Variants in PLCG2 observed in about 807,000 individuals in gnomAD.
PLCG2 encodes the protein phospholipase C gamma 2, also known as 1-phosphatidylinositol 4,5-bisphosphate phosphodiesterase gamma-2.
Under a neutral mutation model 175.6 loss-of-function variants are expected in PLCG2, and 69 were observed. The ratio of observed to expected loss-of-function variants is 0.39; its 90% CI spans 0.32 to 0.48. The LOEUF is 0.48. Ranked by LOEUF, PLCG2 falls within the 20% of genes least tolerant of loss-of-function variation. PLCG2 has a pLI of 0.91. For synonymous variants in PLCG2, 827 were observed against 624.0 expected, an observed-to-expected ratio of 1.33 and a Z score of -4.85; for missense variants, 1,798 against 1,650.9, an observed-to-expected ratio of 1.09 and a Z score of -1.54.
chr16:81,752,635 C>G (rs1477718757), intron 1 of PLCG2, among the ~76,000 whole-genome samples: 2 of 152,216 alleles, frequency 1.3e-5, no homozygotes, highest in African/African-American at 4.8e-5. Context: ...CTCCCCCTCC[C>G]CAGCCAGAAC....
At chr16:81,853,475 C>A (rs1348443081) in intron 2 of PLCG2, among the ~76,000 whole-genome samples, 1 of 152,092 alleles carries the variant, frequency 6.6e-6, no homozygotes, top group East Asian at 1.9e-4. Flanking sequence ...ATGGTGGGGG[C>A]AGTGGGGGGA....
intron 28 of PLCG2, 99 bp downstream of exon 28, chr16:81,938,002 C>G (rs1358148452): frequency 8.8e-7 from 1 of 1,140,412 alleles, no homozygotes; most frequent in African/African-American, 1.5e-5. Context: ...TCTAGGGAGG[C>G]TGGTTGTCTT....
At chr16:81,931,241 C>T (rs1010404399) in intron 24 of PLCG2, 23 of 325,220 alleles carry the variant, frequency 7.1e-5, no homozygotes, top group Non-Finnish European at 1.2e-4. Flanking sequence ...CTGCAACGAC[C>T]CTATAAGGTC....
intron 1 of PLCG2, chr16:81,740,331 C>G (rs140217952): frequency 4.9e-3 from 751 of 152,276 alleles, no homozygotes; most frequent in Non-Finnish European, 8.2e-3. Flanking sequence ...GTGACGTAGG[C>G]ACAGCCAATG....
intron 1 of PLCG2, among the ~76,000 whole-genome samples, chr16:81,744,057 A>T (rs1370448342): frequency 6.6e-6 from 1 of 151,052 alleles, no homozygotes; most frequent in Non-Finnish European, 1.5e-5. Context: ...ACAGGGTTTC[A>T]CTGTGTTGGC....
At chr16:81,957,424 T>C (rs1447944565) in intron 32 of PLCG2, among the ~76,000 whole-genome samples, 2 of 152,224 alleles carry the variant, frequency 1.3e-5, no homozygotes, top group African/African-American at 4.8e-5. Flanking sequence ...AACTGTTTCC[T>C]CTAGAAGGAC....
intron 3 of PLCG2, among the ~76,000 whole-genome samples, chr16:81,855,220 G>T (rs906891431): frequency 2.0e-5 from 3 of 149,444 alleles, no homozygotes; most frequent in African/African-American, 7.4e-5. Context: ...AGAAGAAAAA[G>T]AAAAATGTAA....
chr16:81,950,249 G>C (rs1234366538), intron 31 of PLCG2, among the ~76,000 whole-genome samples: 1 of 152,198 alleles, frequency 6.6e-6, no homozygotes, highest in African/African-American at 2.4e-5. Flanking sequence ...AATAGGAATG[G>C]ATGGAAGAGT....
chr16:81,883,011 A>T (rs1182041728), intron 8 of PLCG2, among the ~76,000 whole-genome samples: 1 of 151,904 alleles, frequency 6.6e-6, no homozygotes, highest in African/African-American at 2.4e-5. Flanking sequence ...GGTGCACCAG[A>T]GCTATTTTGG....
At chr16:81,769,929 G>A (rs1285090365) in intron 2 of PLCG2, among the ~76,000 whole-genome samples, 1 of 151,406 alleles carries the variant, frequency 6.6e-6, no homozygotes, top group East Asian at 1.9e-4. Flanking sequence ...TCTGAGCCTC[G>A]GTTTTCTTAT....
chr16:81,787,393 A>ATTTTTTTTTTTTTTTTTTTTT (rs67160306), intron 2 of PLCG2, among the ~76,000 whole-genome samples: 10 of 94,554 alleles, frequency 1.1e-4, no homozygotes, highest in African/African-American at 1.4e-4. Context: ...GGATAATTTA[A>ATTTTTTTTTTTTTTTTTTTTT]TTTTTTTTTT....
At chr16:81,819,682 TC>T (rs1234470790) in intron 2 of PLCG2, among the ~76,000 whole-genome samples, 21 of 152,336 alleles carry the variant, frequency 1.4e-4, no homozygotes, top group Admixed American at 3.3e-4. Flanking sequence ...CCTTCTGGTT[TC>T]AAGCGAATAT....
intron 2 of PLCG2, among the ~76,000 whole-genome samples, chr16:81,796,949 G>T (rs574110185): frequency 2.6e-5 from 4 of 152,196 alleles, no homozygotes; most frequent in Admixed American, 2.6e-4. Context: ...GGGCAACGGG[G>T]TGAGTACAGG....
At chr16:81,740,462 C>G (rs1441303483) in intron 1 of PLCG2, 2 of 152,308 alleles carry the variant, frequency 1.3e-5, no homozygotes, top group Non-Finnish European at 2.9e-5. Flanking sequence ...TTTTCCCTGG[C>G]CAGGTGCAGT....
At chr16:81,760,006 G>A (rs895290835) in intron 2 of PLCG2, among the ~76,000 whole-genome samples, 2 of 152,178 alleles carry the variant, frequency 1.3e-5, no homozygotes, top group Admixed American at 6.5e-5. Flanking sequence ...GGCGCCTGTA[G>A]TCCCAGCTGC....
At chr16:81,744,275 C>G (rs1909659970) in intron 1 of PLCG2, among the ~76,000 whole-genome samples, 1 of 151,106 alleles carries the variant, frequency 6.6e-6, no homozygotes, top group Non-Finnish European at 1.5e-5. Flanking sequence ...TCACGCCATT[C>G]TGCCTCAGCC....
intron 2 of PLCG2, among the ~76,000 whole-genome samples, chr16:81,810,690 C>A (rs1200340400): frequency 1.3e-5 from 2 of 150,838 alleles, no homozygotes; most frequent in South Asian, 4.2e-4. Flanking sequence ...TGGCCCTGAG[C>A]AAAGTGCATT....
intron 9 of PLCG2, among the ~76,000 whole-genome samples, chr16:81,888,507 C>T (rs114074422): frequency 2.5e-4 from 38 of 152,328 alleles, no homozygotes; most frequent in African/African-American, 7.9e-4. Context: ...TGAGCACTTT[C>T]TGTGCACCAG....
At chr16:81,915,662 T>A (rs1772828127) in intron 19 of PLCG2, among the ~76,000 whole-genome samples, 1 of 152,138 alleles carries the variant, frequency 6.6e-6, no homozygotes, top group Non-Finnish European at 1.5e-5. Context: ...TAGACGATGA[T>A]CCTAATGCTC....
Sources: allele counts gnomAD v4.1 joint callset (sites outside exome capture counted in the v4.1 genomes callset), GRCh38; gene constraint gnomAD v4.1.1; transcripts MANE v1.5; gene names NCBI Gene and HGNC (gene_info 2026-07-23, HGNC 2026-07-21).